Variants in LRRC4C observed in about 807,000 individuals in gnomAD.
LRRC4C encodes the protein leucine rich repeat containing 4C.
Under a neutral mutation model 33.6 loss-of-function variants are expected in LRRC4C, and 5 were observed. That is an observed-to-expected ratio of 0.15 (90% CI 0.08 to 0.31). The LOEUF is 0.31. Ranked by LOEUF, LRRC4C falls within the 10% of genes least tolerant of loss-of-function variation. The pLI is 1.00. For missense variants in LRRC4C, 560 were observed against 796.7 expected (o/e 0.70, Z 3.58); for synonymous variants, 329 against 302.0 (o/e 1.09, Z -0.93).
intron 3 of LRRC4C, among the ~76,000 whole-genome samples, chr11:40,522,767 C>A (rs115820265): frequency 0.018 from 2,763 of 152,240 alleles, 98 homozygotes; most frequent in African/African-American, 0.062. Flanking sequence ...TATTTGACTA[C>A]TCTAGGTACT....
chr11:41,288,514 C>T (rs1949899997), intron 1 of LRRC4C, among the ~76,000 whole-genome samples: 1 of 152,116 alleles, frequency 6.6e-6, no homozygotes, highest in Non-Finnish European at 1.5e-5. Flanking sequence ...GGGGACATAA[C>T]TATTATTACT....
rs149067289 is a variant in LRRC4C at position 41,354,738 on chromosome 11, A to C, written c.-496+104693T>G. Among the ~76,000 whole-genome samples the C allele has an allele frequency of 3.2e-3, 489 of 152,232 alleles. 9 individuals are homozygous for C. In the East Asian group the frequency reaches 0.037, roughly 12 times the overall value. On this transcript the variant is annotated intron_variant, in intron 1 of 6. Coordinates refer to ENST00000528697, the MANE Select transcript of LRRC4C (RefSeq NM_001258419.2). Reference sequence around the variant, plus strand: ...CCACCATCTAATCTTCAACAAAGTCAATAATAAGCAATGGGGAAAGGATTC... The same window carrying C: ...CCACCATCTAATCTTCAACAAAGTCCATAATAAGCAATGGGGAAAGGATTC...
chr11:40,454,904 A>T (rs1410163478), intron 3 of LRRC4C, among the ~76,000 whole-genome samples: 2 of 152,032 alleles, frequency 1.3e-5, no homozygotes, highest in Non-Finnish European at 2.9e-5. Context: ...TAAAGCTTAC[A>T]TGTGTTTCCT....
chr11:41,366,468 C>T (rs1258904840), intron 1 of LRRC4C, among the ~76,000 whole-genome samples: 3 of 152,100 alleles, frequency 2.0e-5, no homozygotes, highest in Non-Finnish European at 2.9e-5. Context: ...ATCTTTAATA[C>T]AATAATTCTA....
At chr11:40,534,618 G>T (rs1565482205) in intron 3 of LRRC4C, among the ~76,000 whole-genome samples, 2 of 152,114 alleles carry the variant, frequency 1.3e-5, no homozygotes, top group Non-Finnish European at 2.9e-5. Flanking sequence ...ATAAATGTTA[G>T]CAACTCTTGA....
At chr11:40,319,267 C>T (rs1013549789) in intron 4 of LRRC4C, among the ~76,000 whole-genome samples, 3 of 152,078 alleles carry the variant, frequency 2.0e-5, no homozygotes, top group African/African-American at 7.2e-5. Flanking sequence ...ACAGTTTAAC[C>T]CATTCTCTTC....
intron 5 of LRRC4C, among the ~76,000 whole-genome samples, chr11:40,153,915 T>C (rs1565061709): frequency 6.6e-6 from 1 of 152,280 alleles, no homozygotes; most frequent in East Asian, 1.9e-4. Flanking sequence ...GACATCCAAA[T>C]ACAAGAAGCA....
chr11:41,161,362 C>A (rs1944463227), intron 1 of LRRC4C, among the ~76,000 whole-genome samples: 1 of 152,118 alleles, frequency 6.6e-6, no homozygotes, highest in Admixed American at 6.6e-5. Flanking sequence ...AATGCTACAT[C>A]CTGTAGAGAG....
intron 5 of LRRC4C, among the ~76,000 whole-genome samples, chr11:40,214,190 C>T (rs1224335839): frequency 6.6e-6 from 1 of 152,068 alleles, no homozygotes; most frequent in African/African-American, 2.4e-5. Flanking sequence ...TCTACTGTTC[C>T]TTATATAAGA....
At chr11:40,277,130 G>C (rs193086978) in intron 4 of LRRC4C, among the ~76,000 whole-genome samples, 1 of 152,260 alleles carries the variant, frequency 6.6e-6, no homozygotes, top group Admixed American at 6.5e-5. Context: ...ACAGCCTTAT[G>C]CAGCTGTATG....
At chr11:41,097,987 A>G (rs1014982995) in intron 1 of LRRC4C, among the ~76,000 whole-genome samples, 12 of 150,814 alleles carry the variant, frequency 8.0e-5, no homozygotes, top group African/African-American at 3.0e-4. Context: ...CTGTGTCCCT[A>G]TATTTCCATT....
In LRRC4C at chr11:41,063,031, G is replaced by T. The variant is rs376963998; in HGVS notation, c.-495-129308C>A. On this transcript the variant is annotated intron_variant, in intron 1 of 6. Coordinates refer to ENST00000528697, the MANE Select transcript of LRRC4C (RefSeq NM_001258419.2). Reference sequence around the variant, plus strand: ...GTTGTTTTCAGCCATCCAAATTTGTGATAATTTCTTATGACAACCCTAGGC... The same window carrying T: ...GTTGTTTTCAGCCATCCAAATTTGTTATAATTTCTTATGACAACCCTAGGC... Among the ~76,000 whole-genome samples, 16 of 152,214 alleles carry T rather than the reference G, an allele frequency of 1.1e-4. No individual in the cohort carries two copies. In the East Asian group the frequency reaches 2.7e-3, roughly 26 times the overall value.
At chr11:40,865,015 A>T (rs1009399231) in intron 2 of LRRC4C, among the ~76,000 whole-genome samples, 2 of 152,204 alleles carry the variant, frequency 1.3e-5, no homozygotes, top group Non-Finnish European at 2.9e-5. Context: ...TGATGGATAC[A>T]TAGGTTGTTT....
intron 3 of LRRC4C, among the ~76,000 whole-genome samples, chr11:40,565,051 G>T (rs887357587): frequency 2.0e-5 from 3 of 152,204 alleles, no homozygotes; most frequent in Non-Finnish European, 4.4e-5. Flanking sequence ...CCTGCAGAGG[G>T]TGAGGAACTT....
chr11:40,852,519 G>C (rs892298855), intron 2 of LRRC4C, among the ~76,000 whole-genome samples: 16 of 152,096 alleles, frequency 1.1e-4, no homozygotes, highest in Non-Finnish European at 2.1e-4. Context: ...AATTGCAGAA[G>C]ATTTGATTTT....
chr11:40,505,293 G>A (rs1178549402), intron 3 of LRRC4C, among the ~76,000 whole-genome samples: 2 of 152,160 alleles, frequency 1.3e-5, no homozygotes, highest in Non-Finnish European at 2.9e-5. Context: ...TTTAACAACT[G>A]TTGACACCTT....
At chr11:40,278,120 C>T (rs985542003) in intron 4 of LRRC4C, among the ~76,000 whole-genome samples, 3 of 152,130 alleles carry the variant, frequency 2.0e-5, no homozygotes, top group African/African-American at 7.2e-5. Context: ...ATGGAACACA[C>T]AGTATTAAGA....
At chr11:40,900,090 T>C (rs1432828605) in intron 2 of LRRC4C, among the ~76,000 whole-genome samples, 1 of 152,192 alleles carries the variant, frequency 6.6e-6, no homozygotes, top group African/African-American at 2.4e-5. Flanking sequence ...TTTTTTTATA[T>C]GAAGTACCAG....
chr11:41,171,509 C>T (rs556476052), intron 1 of LRRC4C, among the ~76,000 whole-genome samples: 1 of 151,094 alleles, frequency 6.6e-6, no homozygotes, highest in Non-Finnish European at 1.5e-5. Flanking sequence ...GGACAAAAAA[C>T]CAAACACTGC....
Sources: allele counts gnomAD v4.1 joint callset (sites outside exome capture counted in the v4.1 genomes callset), GRCh38; gene constraint gnomAD v4.1.1; transcripts MANE v1.5; gene names NCBI Gene and HGNC (gene_info 2026-07-23, HGNC 2026-07-21).